Variants in EHD4 observed in about 807,000 individuals in gnomAD.
EHD4 encodes EH domain containing 4.
Under a neutral mutation model 51.0 loss-of-function variants are expected in EHD4, and 37 were observed. The ratio of observed to expected loss-of-function variants is 0.73; its 90% CI spans 0.56 to 0.95. The LOEUF is 0.95. EHD4 is among the 40% of genes least tolerant of loss of function. EHD4 has a pLI of 0.00. For synonymous variants in EHD4, 297 were observed against 317.3 expected, an observed-to-expected ratio of 0.94 and a Z score of 0.68; for missense variants, 632 against 733.1, an observed-to-expected ratio of 0.86 and a Z score of 1.59.
At chr15:41,937,881 C>T (rs757086706) in intron 3 of EHD4, among the ~76,000 whole-genome samples, 21 of 152,002 alleles carry the variant, frequency 1.4e-4, no homozygotes, top group Non-Finnish European at 2.5e-4. Flanking sequence ...AAACCTTATC[C>T]GAAAAGGTTG....
intron 2 of EHD4, among the ~76,000 whole-genome samples, chr15:41,945,299 G>T (rs1375949026): frequency 6.6e-6 from 1 of 152,188 alleles, no homozygotes; most frequent in East Asian, 1.9e-4. Flanking sequence ...CTAACAGAGG[G>T]ATTCAAAATT....
chr15:41,923,118 T>C (rs2067638471), intron 3 of EHD4, among the ~76,000 whole-genome samples: 1 of 152,140 alleles, frequency 6.6e-6, no homozygotes, highest in Non-Finnish European at 1.5e-5. Context: ...ACCACCACCA[T>C]CCAACTGAAA....
chr15:41,907,228 C>T lies in EHD4; in HGVS notation c.1089+2471G>A, dbSNP rs1187972640. The stretch of plus-strand genomic sequence containing the variant: ...AGCCAGCGAGGCACAGAGGCCCCAA[C>T]TGGGCCACAGCTCAGGCTCTGTATT... On this transcript the variant is annotated intron_variant, in intron 5 of 5. Transcript: ENST00000220325. Among the ~76,000 whole-genome samples, 4 of 152,370 alleles carry T rather than the reference C, an allele frequency of 2.6e-5. No homozygotes were observed. The East Asian group carries it at 7.7e-4, about 29-fold the overall frequency.
chr15:41,956,015 G>A (rs1178973297), intron 1 of EHD4, among the ~76,000 whole-genome samples: 2 of 152,180 alleles, frequency 1.3e-5, no homozygotes, highest in African/African-American at 4.8e-5. Context: ...GGGGAGGGAG[G>A]GGCTTGGGAG....
chr15:41,909,423 A>G (rs1179167431), intron 5 of EHD4, among the ~76,000 whole-genome samples: 2 of 152,172 alleles, frequency 1.3e-5, no homozygotes, highest in Non-Finnish European at 2.9e-5. Flanking sequence ...CCGCAACATC[A>G]ACCAGCCTCC....
chr15:41,959,649 G>T (rs959050530), intron 1 of EHD4, among the ~76,000 whole-genome samples: 2 of 151,952 alleles, frequency 1.3e-5, no homozygotes, highest in African/African-American at 4.8e-5. Context: ...ACTCTGATTT[G>T]ATTTGAGCCT....
Position 41,900,757 on chromosome 15 carries a change from GCGAACT to G in EHD4, c.1508_1513del (p.Glu503_Phe504del). On this transcript the variant is annotated inframe_deletion, in exon 6 of 6. Transcript: ENST00000220325. The surrounding 1 kb of genome is among the most constrained non-coding windows in gnomAD (Gnocchi z 4.8). ...GATCTTGATGAGGTGCTTGGCCAGC[GCGAACT>G]CCTCCTCATCAAGCATGCCGTCGCA... 6.2e-7 allele frequency: 1 copy of G among 1,613,860 alleles called. No homozygotes were observed. The highest frequency in any genetic ancestry group is 1.6e-4 in the Middle Eastern group (1 of 6,062).
intron 4 of EHD4, among the ~76,000 whole-genome samples, chr15:41,916,271 C>G (rs531126884): frequency 5.3e-5 from 8 of 152,210 alleles, no homozygotes; most frequent in African/African-American, 1.9e-4. Context: ...GGTACTGTAG[C>G]TGCTGTTCAC....
intron 1 of EHD4, 149 bp downstream of exon 1, chr15:41,972,110 C>A: frequency 2.9e-6 from 2 of 691,936 alleles, no homozygotes; most frequent in Non-Finnish European, 3.7e-6. Context: ...CCAGCCGGGG[C>A]GGGGCCGAGG....
intron 1 of EHD4, among the ~76,000 whole-genome samples, chr15:41,967,347 C>G (rs2067967830): frequency 6.6e-6 from 1 of 152,238 alleles, no homozygotes; most frequent in Non-Finnish European, 1.5e-5. Context: ...AGTGTTACAG[C>G]CCTTGTCACT....
At chr15:41,939,823 C>G (rs1358809782) in intron 3 of EHD4, among the ~76,000 whole-genome samples, 1 of 149,290 alleles carries the variant, frequency 6.7e-6, no homozygotes, top group East Asian at 2.0e-4. Flanking sequence ...AGATTTTCTG[C>G]TAACCATAAT....
In EHD4 at chr15:41,907,925, T is replaced by A. The variant is rs556588205; in HGVS notation, c.1089+1774A>T. 4.6e-5 allele frequency among the ~76,000 whole-genome samples: 7 copies of A among 151,058 alleles called. No homozygotes were observed. The South Asian group carries it at 1.5e-3, about 32-fold the overall frequency. On this transcript the variant is annotated intron_variant, in intron 5 of 5. Transcript: ENST00000220325. Reference sequence around the variant, plus strand: ...TCTGCCTGTGTCACCCAGGCTGGAGTACAGCAGTGCGATCTCAGTTCACTG... The same window carrying A: ...TCTGCCTGTGTCACCCAGGCTGGAGAACAGCAGTGCGATCTCAGTTCACTG...
rs1281103323 is a variant in EHD4, at chr15:41,897,863, A to T, written c.*2782T>A. ...CTTCCACCCTCTCTCCTATACATAA[A>T]CACTCTGTGGAAGAGGTTCTTTGAA... On this transcript the variant is annotated 3_prime_UTR_variant, in exon 6 of 6. Coordinates refer to ENST00000220325, the MANE Select transcript of EHD4 (RefSeq NM_139265.4). 6.6e-6 allele frequency: 1 copy of T among 152,250 alleles called. No individual in the cohort carries two copies. The highest frequency in any genetic ancestry group is 1.5e-5 in the Non-Finnish European group (1 of 68,084). The allele number at this position is 152,250 out of a possible 1,614,324, so 9.4% of individuals were successfully genotyped here.
chr15:41,901,020 G>A lies in EHD4; in HGVS notation c.1251C>T (p.Phe417=), dbSNP rs751347048. 3.8e-5 allele frequency: 61 copies of A among 1,608,452 alleles called. 1 individual carries two copies. In the Middle Eastern group the frequency reaches 6.6e-4, roughly 17 times the overall value. The change falls in exon 6 of 6, where the codon TTC becomes TTT. Residue 417 remains phenylalanine, a synonymous_variant. Coordinates refer to ENST00000220325, the MANE Select transcript of EHD4 (RefSeq NM_139265.4). ...TGAAGGGGCCCTCGGTGGTGCCATCGAAGGCGCCGCCCTGCACCAGCTGCG... is the reference window on the plus strand; with the variant it reads ...TGAAGGGGCCCTCGGTGGTGCCATCAAAGGCGCCGCCCTGCACCAGCTGCG... ...TPTQLVQGGA[F]DGTTEGPFNQ... is the part of the protein sequence containing the mutation.
At chr15:41,966,962 G>A (rs1350010707) in intron 1 of EHD4, among the ~76,000 whole-genome samples, 1 of 152,156 alleles carries the variant, frequency 6.6e-6, no homozygotes. Context: ...ACTAAATGCT[G>A]ACACTCCCAA....
intron 1 of EHD4, among the ~76,000 whole-genome samples, chr15:41,954,372 G>C (rs1381322802): frequency 6.6e-6 from 1 of 152,162 alleles, no homozygotes; most frequent in Non-Finnish European, 1.5e-5. Context: ...TATAAGCCTT[G>C]AAGGGGCTCA....
At chr15:41,960,964 C>T (rs767049923) in intron 1 of EHD4, among the ~76,000 whole-genome samples, 1 of 152,258 alleles carries the variant, frequency 6.6e-6, no homozygotes, top group Non-Finnish European at 1.5e-5. Context: ...TGAGCCACCG[C>T]GCCAGCCTCA....
intron 1 of EHD4, among the ~76,000 whole-genome samples, chr15:41,957,087 T>C (rs1269505839): frequency 1.3e-5 from 2 of 152,104 alleles, no homozygotes; most frequent in East Asian, 3.8e-4. Flanking sequence ...TTCCAGCATT[T>C]TGGGAGGCCG....
rs550375717 is a variant in EHD4 at position 41,964,170 on chromosome 15, G to T, written c.236+8089C>A. Among the ~76,000 whole-genome samples the T allele has an allele frequency of 6.1e-4, 81 of 132,746 alleles. 1 individual carries two copies. The South Asian group carries it at 0.021, about 34-fold the overall frequency. The allele number at this position is 132,746 out of a possible 152,430, so 87.1% of individuals were successfully genotyped here. A position where few individuals can be genotyped will look rare whatever the true frequency, so the allele number is the denominator to read the frequency against. On this transcript the variant is annotated intron_variant, in intron 1 of 5. Transcript: ENST00000220325. Reference sequence around the variant, plus strand: ...AAAAAAAAAAAAAAAAAAAAAAAAAGGACAAGACCAACACTTCAAATGAAA... The same window carrying T: ...AAAAAAAAAAAAAAAAAAAAAAAAATGACAAGACCAACACTTCAAATGAAA...
Sources: gnomAD v4.1 joint callset for allele counts (sites outside exome capture counted in the v4.1 genomes callset) on GRCh38, gnomAD v4.1.1 for gene constraint, Gnocchi (gnomAD v3.1) non-coding constraint, MANE v1.5 for transcripts, NCBI Gene and HGNC (gene_info 2026-07-23, HGNC 2026-07-21) for gene names.